EPB41L3: variants seen among roughly 807,000 people sequenced by gnomAD.
EPB41L3 encodes band 4.1-like protein 3.
Under a neutral mutation model 127.1 loss-of-function variants are expected in EPB41L3, and 57 were observed. That is an observed-to-expected ratio of 0.45 (90% CI 0.36 to 0.56). The LOEUF is 0.56. EPB41L3 is among the 20% of genes least tolerant of loss of function. EPB41L3 has a pLI of 0.00. For missense variants in EPB41L3, 1,273 were observed against 1,372.2 expected, an observed-to-expected ratio of 0.93 and a Z score of 1.14; for synonymous variants, 572 against 549.5, an observed-to-expected ratio of 1.04 and a Z score of -0.57.
chr18:5,453,209 T>C (rs1049766068), intron 3 of EPB41L3, among the ~76,000 whole-genome samples: 1 of 152,228 alleles, frequency 6.6e-6, no homozygotes, highest in Non-Finnish European at 1.5e-5. Flanking sequence ...TGAATCAGCC[T>C]GAGTGAAGCC....
At position 5,424,327 on chromosome 18, in the gene EPB41L3, C is replaced by T; in HGVS notation, c.1098G>A (p.Lys366=). ...FEQFESTIGF[K]LPNHRAAKRL... Reference sequence around the variant, plus strand: ...GCTTGGCAGCTCGATGGTTTGGCAGCTTAAACCCAATGGTGCTTTCAAATT... The same window carrying T: ...GCTTGGCAGCTCGATGGTTTGGCAGTTTAAACCCAATGGTGCTTTCAAATT... The change falls in exon 10 of 23, where the codon AAG becomes AAA. Residue 366 remains lysine, a synonymous_variant. Transcript: ENST00000341928. The T allele has an allele frequency of 1.2e-6, 2 of 1,607,168 alleles. No homozygotes were observed. The highest frequency in any genetic ancestry group is 1.7e-6 in the Non-Finnish European group (2 of 1,176,908).
intron 4 of EPB41L3, 33 bp downstream of exon 4, chr18:5,445,107 C>T (rs780882549): frequency 6.5e-7 from 1 of 1,544,556 alleles, no homozygotes; most frequent in Non-Finnish European, 9.0e-7. Context: ...GCAGTTCAAG[C>T]CATCTTATTT....
chr18:5,487,143 C>T (rs1049434182), intron 2 of EPB41L3, among the ~76,000 whole-genome samples: 2 of 152,002 alleles, frequency 1.3e-5, no homozygotes, highest in African/African-American at 4.8e-5. Flanking sequence ...TATTATTCAG[C>T]CATAAAAAAG....
chr18:5,508,226 C>CA (rs951519710), intron 1 of EPB41L3: 5 of 152,264 alleles, frequency 3.3e-5, no homozygotes, highest in East Asian at 1.9e-4. Context: ...TTCTAAACGG[C>CA]ATGATAAAAC....
Position 5,399,864 on chromosome 18 carries a change from T to C in EPB41L3, c.2350-1721A>G, listed in dbSNP as rs78708569. Reference sequence around the variant, plus strand: ...ATTTTCCATATTTGTAAATTGTATTTCTTTATACAGGGAAATGAATCCATA... The same window carrying C: ...ATTTTCCATATTTGTAAATTGTATTCCTTTATACAGGGAAATGAATCCATA... On this transcript the variant is annotated intron_variant, in intron 16 of 22. Coordinates refer to ENST00000341928, the MANE Select transcript of EPB41L3 (RefSeq NM_012307.5). The C allele has an allele frequency of 6.6e-3, 1,006 of 152,542 alleles. 73 individuals are homozygous for C. The East Asian group carries it at 0.16, about 24-fold the overall frequency. 9.4% of individuals were successfully genotyped at this position (152,542 alleles called of 1,614,324 possible). A position where few individuals can be genotyped will look rare whatever the true frequency, so the allele number is the denominator to read the frequency against.
At chr18:5,512,874 C>T (rs2092594273) in intron 1 of EPB41L3, among the ~76,000 whole-genome samples, 1 of 152,134 alleles carries the variant, frequency 6.6e-6, no homozygotes, top group Admixed American at 6.6e-5. Flanking sequence ...CCTCTAGTTC[C>T]CTACTTCCCA....
intron 3 of EPB41L3, among the ~76,000 whole-genome samples, chr18:5,597,306 C>A (rs779612271): frequency 7.2e-5 from 11 of 152,140 alleles, no homozygotes; most frequent in Non-Finnish European, 1.0e-4. Flanking sequence ...CCCAGAATAT[C>A]CAAATTCATC....
chr18:5,480,064 T>G (rs1044211618), intron 2 of EPB41L3: 5 of 152,200 alleles, frequency 3.3e-5, no homozygotes. Flanking sequence ...TTTATTTAAA[T>G]TTTACCTGAA....
At chr18:5,456,944 G>T (rs2083182728) in intron 3 of EPB41L3, among the ~76,000 whole-genome samples, 1 of 152,228 alleles carries the variant, frequency 6.6e-6, no homozygotes, top group Non-Finnish European at 1.5e-5. Context: ...GGAGCAGCAG[G>T]GAGGCGCGCT....
chr18:5,469,527 C>A (rs1353915246), intron 3 of EPB41L3, among the ~76,000 whole-genome samples: 7 of 152,198 alleles, frequency 4.6e-5, no homozygotes, highest in Admixed American at 3.3e-4. Context: ...CATCACTCCA[C>A]ACCTGGCTTG....
At chr18:5,517,947 C>T (rs1260383125) in intron 1 of EPB41L3, among the ~76,000 whole-genome samples, 1 of 152,132 alleles carries the variant, frequency 6.6e-6, no homozygotes, top group Non-Finnish European at 1.5e-5. Context: ...TCTTCTATAC[C>T]TATGCTCAGT....
At position 5,478,399 on chromosome 18, in the gene EPB41L3, T is replaced by G. The variant is rs754890475; in HGVS notation, c.223A>C (p.Lys75Gln). 1.0e-4 allele frequency: 168 copies of G among 1,614,080 alleles called. No individual in the cohort carries two copies. Among genetic ancestry groups the G allele is most frequent in the Non-Finnish European group, 1.3e-4 (155 of 1,180,034 alleles). The change falls in exon 3 of 23, where the codon AAA (lysine) becomes CAA (glutamine). Residue 75 changes from lysine to glutamine, a missense_variant. Around this residue, in one of 3 missense-constraint regions of EPB41L3, gnomAD observed 182 missense variants for 149.2 expected, o/e 1.22. Transcript: ENST00000341928. ...TCTAATTGCTGATATTCGAGCTGTT[T>G]TGCAGCCCTGGCAGCAAACTCCTGT... ...KEQEFAARAA[K>Q]QLEYQQLEDD...
rs142396218 is a variant in EPB41L3, at chr18:5,540,914, C to A, written c.-12+2999G>T. ...CCTGGCTAACACAGTGAAACCCCTT[C>A]TCTACCAAAAATACAAAAAAATTAG... On this transcript the variant is annotated intron_variant, in intron 1 of 22. Coordinates refer to ENST00000341928, the MANE Select transcript of EPB41L3 (RefSeq NM_012307.5). Among the ~76,000 whole-genome samples the A allele has an allele frequency of 4.9e-3, 744 of 152,094 alleles. 6 individuals are homozygous for A. Among genetic ancestry groups the A allele is most frequent in the Non-Finnish European group, 4.6e-3 (314 of 67,996 alleles).
intron 16 of EPB41L3, among the ~76,000 whole-genome samples, chr18:5,405,797 CAA>C (rs1029022595): frequency 8.9e-6 from 1 of 112,910 alleles, no homozygotes; most frequent in African/African-American, 3.4e-5. Context: ...AACAAACAAA[CAA>C]AAACAAAAAA....
chr18:5,488,579 G>A (rs1310351571), intron 2 of EPB41L3, among the ~76,000 whole-genome samples: 6 of 148,762 alleles, frequency 4.0e-5, no homozygotes, highest in African/African-American at 1.3e-4. Context: ...TGATGATGAT[G>A]ATGATAATAA....
chr18:5,445,855 C>G (rs2081397514), intron 3 of EPB41L3, among the ~76,000 whole-genome samples: 1 of 152,160 alleles, frequency 6.6e-6, no homozygotes, highest in Admixed American at 6.5e-5. Context: ...TGCAAAGGAT[C>G]TAGGTTGCGC....
At chr18:5,499,531 A>G (rs1188906603) in intron 1 of EPB41L3, among the ~76,000 whole-genome samples, 2 of 152,036 alleles carry the variant, frequency 1.3e-5, no homozygotes, top group African/African-American at 2.4e-5. Context: ...TGAGGGGCCA[A>G]TGTGGGTGGA....
intron 1 of EPB41L3, among the ~76,000 whole-genome samples, chr18:5,520,473 A>C (rs2092940727): frequency 6.6e-6 from 1 of 152,096 alleles, no homozygotes; most frequent in Non-Finnish European, 1.5e-5. Flanking sequence ...GGAGAACACA[A>C]ATAGAAAATG....
chr18:5,400,380 T>C (rs1431050100), intron 16 of EPB41L3: 3 of 358,172 alleles, frequency 8.4e-6, no homozygotes, highest in Non-Finnish European at 1.6e-5. Context: ...CTAGAAACTT[T>C]TCTGTTTTTT....
Sources: gnomAD v4.1 joint callset for allele counts (sites outside exome capture counted in the v4.1 genomes callset) on GRCh38, gnomAD v4.1.1 for gene constraint, gnomAD v4.1.1 regional missense constraint, MANE v1.5 for transcripts, NCBI Gene and HGNC (gene_info 2026-07-23, HGNC 2026-07-21) for gene names.